Variants in BAZ2B observed in about 807,000 individuals in gnomAD.
BAZ2B encodes the protein bromodomain adjacent to zinc finger domain 2B, also known as bromodomain adjacent to zinc finger domain protein 2B.
A neutral mutation model predicts 246.0 loss-of-function variants in BAZ2B; 91 were observed. That is an observed-to-expected ratio of 0.37 (90% confidence interval 0.31 to 0.44). BAZ2B has a LOEUF of 0.44. BAZ2B is among the 20% of genes least tolerant of loss of function. BAZ2B has a pLI of 1.00. For synonymous variants in BAZ2B, 855 were observed against 860.0 expected (o/e 0.99, Z 0.10); for missense variants, 2,332 against 2,533.7 (o/e 0.92, Z 1.71).
chr2:159,511,005 A>G (rs1239559098), intron 2 of BAZ2B, among the ~76,000 whole-genome samples: 1 of 152,182 alleles, frequency 6.6e-6, no homozygotes, highest in Non-Finnish European at 1.5e-5. Context: ...GACTCATTTA[A>G]TATTTGTTTA....
chr2:159,487,313 T>C (rs1053508475), intron 2 of BAZ2B, among the ~76,000 whole-genome samples: 3 of 152,206 alleles, frequency 2.0e-5, no homozygotes, highest in African/African-American at 7.2e-5. Context: ...GGATCTTCTT[T>C]TGTATGTTTT....
At chr2:159,469,579 G>A (rs1236034657) in intron 3 of BAZ2B, among the ~76,000 whole-genome samples, 1 of 152,054 alleles carries the variant, frequency 6.6e-6, no homozygotes, top group East Asian at 1.9e-4. Context: ...GGGATTACAG[G>A]TGCCCGCCAC....
chr2:159,613,046 A>G (rs1301903716), intron 1 of BAZ2B, among the ~76,000 whole-genome samples: 1 of 137,956 alleles, frequency 7.2e-6, no homozygotes, highest in Non-Finnish European at 1.6e-5. Context: ...AAATATAATT[A>G]CTCAGAGACT....
At chr2:159,671,529 A>G in the BAZ2B span, among the ~76,000 whole-genome samples, 1 of 152,220 alleles carries the variant, frequency 6.6e-6, no homozygotes, top group East Asian at 1.9e-4. Context: ...CATATCAGGT[A>G]CAACAGTTAT....
chr2:159,679,959 C>T, the BAZ2B span, among the ~76,000 whole-genome samples: 3 of 152,108 alleles, frequency 2.0e-5, no homozygotes, highest in Non-Finnish European at 4.4e-5. Context: ...GCTCCCATTG[C>T]GATGAATTTT....
At chr2:159,707,608 A>T in the BAZ2B span, among the ~76,000 whole-genome samples, 9 of 152,048 alleles carry the variant, frequency 5.9e-5, no homozygotes, top group Non-Finnish European at 1.3e-4. Flanking sequence ...CGGGTGGATC[A>T]CAAGGTCAGG....
intron 1 of BAZ2B, among the ~76,000 whole-genome samples, chr2:159,581,647 C>T (rs1406812783): frequency 6.6e-6 from 1 of 151,924 alleles, no homozygotes; most frequent in East Asian, 1.9e-4. Flanking sequence ...GCACTATTCA[C>T]AATAGCAAAG....
At chr2:159,488,975 A>C (rs1255552852) in intron 2 of BAZ2B, among the ~76,000 whole-genome samples, 1 of 152,210 alleles carries the variant, frequency 6.6e-6, no homozygotes, top group Non-Finnish European at 1.5e-5. Flanking sequence ...TTAAAAAGCC[A>C]CATGTATTTT....
At chr2:159,660,296 C>A in the BAZ2B span, among the ~76,000 whole-genome samples, 1 of 152,202 alleles carries the variant, frequency 6.6e-6, no homozygotes, top group African/African-American at 2.4e-5. Context: ...ATCAGTACTT[C>A]ATTCCTTCTT....
chr2:159,327,016 A>G (rs995594516), intron 34 of BAZ2B, among the ~76,000 whole-genome samples: 3 of 152,148 alleles, frequency 2.0e-5, no homozygotes, highest in African/African-American at 7.2e-5. Flanking sequence ...CTGCAAAGTC[A>G]CATAATCAGT....
chr2:159,325,934 A>G lies in BAZ2B; in HGVS notation c.5944-16T>C. On this transcript the variant is annotated splice_polypyrimidine_tract_variant and intron_variant, in intron 34 of 36. Coordinates refer to ENST00000392783, the MANE Select transcript of BAZ2B (RefSeq NM_013450.4). ...GACCACTTGCCTTTAATTTAAAAAAAAAGTAAATGAGGTGTAAGAAAGTGA... is the reference window on the plus strand; with the variant it reads ...GACCACTTGCCTTTAATTTAAAAAAGAAGTAAATGAGGTGTAAGAAAGTGA... The G allele has an allele frequency of 6.4e-7, 1 of 1,559,418 alleles. No individual in the cohort carries two copies. The highest frequency in any genetic ancestry group is 8.6e-7 in the Non-Finnish European group (1 of 1,157,260).
intron 27 of BAZ2B, 108 bp from the exon 28 acceptor site, chr2:159,350,465 T>C: frequency 9.1e-7 from 1 of 1,097,588 alleles, no homozygotes; most frequent in African/African-American, 1.6e-5. Flanking sequence ...ACTTAAACTT[T>C]TCTGTATTAC....
At chr2:159,488,483 T>C (rs2080088134) in intron 2 of BAZ2B, among the ~76,000 whole-genome samples, 1 of 152,140 alleles carries the variant, frequency 6.6e-6, no homozygotes, top group Non-Finnish European at 1.5e-5. Flanking sequence ...AAATATCTCA[T>C]GTATCACATA....
chr2:159,704,771 C>T, the BAZ2B span, among the ~76,000 whole-genome samples: 51 of 152,140 alleles, frequency 3.4e-4, 1 homozygote, highest in East Asian at 3.9e-4. Flanking sequence ...CGTGAGCCAC[C>T]GCATTTGGGT....
chr2:159,388,402 T>C (rs1432733117), intron 21 of BAZ2B, among the ~76,000 whole-genome samples: 1 of 152,132 alleles, frequency 6.6e-6, no homozygotes, highest in African/African-American at 2.4e-5. Context: ...TTCAGCAACA[T>C]TACATGTCTG....
chr2:159,343,382 C>G lies in BAZ2B; in HGVS notation c.5454+4104G>C, dbSNP rs142825511. Among the ~76,000 whole-genome samples, 745 of 151,844 alleles carry G rather than the reference C, an allele frequency of 4.9e-3. 4 individuals are homozygous for G. Among genetic ancestry groups the G allele is most frequent in the African/African-American group, 0.017 (716 of 41,430 alleles). ...ACTTCAAAAGCACAGGTAACAGAAG[C>G]AAAAATAAACAAATGCAACTACATC... On this transcript the variant is annotated intron_variant, in intron 31 of 36. Transcript: ENST00000392783.
chr2:159,474,976 G>A (rs1392311024), intron 3 of BAZ2B, among the ~76,000 whole-genome samples: 1 of 152,066 alleles, frequency 6.6e-6, no homozygotes, highest in African/African-American at 2.4e-5. Context: ...TTTCTCTCTG[G>A]CTGCCCTTAA....
intron 16 of BAZ2B, 86 bp downstream of exon 16, chr2:159,404,760 ATTT>A (rs2065634269): frequency 9.0e-7 from 1 of 1,108,478 alleles, no homozygotes; most frequent in Non-Finnish European, 1.3e-6. Flanking sequence ...AAATATAGTT[ATTT>A]AAGAAATCAA....
At chr2:159,383,951 T>A (rs184156996) in intron 23 of BAZ2B, among the ~76,000 whole-genome samples, 4 of 152,152 alleles carry the variant, frequency 2.6e-5, no homozygotes, top group Non-Finnish European at 5.9e-5. Flanking sequence ...AAACTATGCA[T>A]CAATTGCCTT....
Sources: allele counts gnomAD v4.1 joint callset (sites outside exome capture counted in the v4.1 genomes callset), GRCh38; gene constraint gnomAD v4.1.1; transcripts MANE v1.5; gene names NCBI Gene and HGNC (gene_info 2026-07-23, HGNC 2026-07-21).